The following GFRA2 variants were observed in gnomAD, a reference collection of about 807,000 sequenced individuals.
GFRA2 encodes the protein GDNF family receptor alpha-2.
GFRA2 carries 17 observed loss-of-function variants against 48.3 expected under a neutral mutation model. That is an observed-to-expected ratio of 0.35 (90% CI 0.24 to 0.53). GFRA2 has a LOEUF of 0.53. Ranked by LOEUF, GFRA2 falls within the 20% of genes least tolerant of loss-of-function variation. GFRA2 has a pLI of 0.93. For missense variants in GFRA2, 660 were observed against 637.3 expected (o/e 1.04, Z -0.38); for synonymous variants, 305 against 257.2 (o/e 1.19, Z -1.78).
Position 21,788,381 on chromosome 8 carries a change from C to A in GFRA2, c.-222G>T. ...GGCGATGGGCTGCTGCCTCTCGACGCCCCCCTTGCCCGCTACAATCAAATA... is the reference window on the plus strand; with the variant it reads ...GGCGATGGGCTGCTGCCTCTCGACGACCCCCTTGCCCGCTACAATCAAATA... On this transcript the variant is annotated 5_prime_UTR_variant, in exon 1 of 9. Transcript: ENST00000524240. The A allele has an allele frequency of 3.0e-6, 4 of 1,335,592 alleles. No individual in the cohort carries two copies. Among genetic ancestry groups the A allele is most frequent in the Non-Finnish European group, 3.8e-6 (4 of 1,048,204 alleles). The allele number at this position is 1,335,592 out of a possible 1,614,324, so 82.7% of individuals were successfully genotyped here.
chr8:21,767,496 G>A (rs1172680431), intron 3 of GFRA2, among the ~76,000 whole-genome samples: 4 of 152,336 alleles, frequency 2.6e-5, no homozygotes, highest in East Asian at 1.9e-4. Flanking sequence ...CCCAGGGCAC[G>A]TGCTCACAAC....
intron 3 of GFRA2, among the ~76,000 whole-genome samples, chr8:21,769,921 T>C (rs911389293): frequency 5.3e-5 from 8 of 152,146 alleles, no homozygotes; most frequent in African/African-American, 1.7e-4. Flanking sequence ...GAGAACATCA[T>C]TGGCCCTCTC....
At chr8:21,759,793 G>A (rs1805805711) in intron 3 of GFRA2, among the ~76,000 whole-genome samples, 2 of 150,548 alleles carry the variant, frequency 1.3e-5, no homozygotes, top group South Asian at 4.2e-4. Context: ...GGAGGCTGAA[G>A]CAGGAGAATC....
intron 4 of GFRA2, among the ~76,000 whole-genome samples, chr8:21,735,980 A>C (rs1000399117): frequency 6.6e-6 from 1 of 152,208 alleles, no homozygotes; most frequent in Admixed American, 6.5e-5. Flanking sequence ...AAGAAACTGA[A>C]ACTGCCCAGA....
chr8:21,775,249 A>T (rs1396804560), intron 2 of GFRA2, among the ~76,000 whole-genome samples, 194 bp from the exon 3 acceptor site: 2 of 152,212 alleles, frequency 1.3e-5, no homozygotes, highest in Non-Finnish European at 2.9e-5. Context: ...TTAGCATTTC[A>T]TCTGGGCAGG....
rs1801921329 is a variant in GFRA2, at chr8:21,692,456, G to A, written c.*822C>T. The stretch of plus-strand genomic sequence containing the variant: ...GTCTCTCCCCTCCCTCTCCCCAAAG[G>A]GAGGCCTGCCAAAGGACCCACGAGA... On this transcript the variant is annotated 3_prime_UTR_variant, in exon 9 of 9. Transcript: ENST00000524240. 6.6e-6 allele frequency: 1 copy of A among 151,902 alleles called. No homozygotes were observed. The highest frequency in any genetic ancestry group is 2.1e-4 in the South Asian group (1 of 4,806). 9.4% of individuals were successfully genotyped at this position (151,902 alleles called of 1,614,324 possible).
chr8:21,748,691 T>C (rs1048335504), intron 4 of GFRA2, among the ~76,000 whole-genome samples: 5 of 152,178 alleles, frequency 3.3e-5, no homozygotes, highest in African/African-American at 1.2e-4. Context: ...ATAAAGATAA[T>C]ATCACCTACC....
chr8:21,738,942 G>GA (rs2117538356), intron 4 of GFRA2, among the ~76,000 whole-genome samples: 1 of 152,316 alleles, frequency 6.6e-6, no homozygotes, highest in South Asian at 2.1e-4. Context: ...TCCTTATTTT[G>GA]ACAAGGAAAA....
At chr8:21,800,880 T>G (rs1321179162) in intron 2 of GFRA2, among the ~76,000 whole-genome samples, 1 of 147,150 alleles carries the variant, frequency 6.8e-6, no homozygotes, top group Non-Finnish European at 1.5e-5. Flanking sequence ...GAGCTATGAG[T>G]GCACCCCTGC....
intron 7 of GFRA2, among the ~76,000 whole-genome samples, chr8:21,698,081 T>C (rs1043633316): frequency 1.3e-5 from 2 of 152,058 alleles, no homozygotes; most frequent in African/African-American, 4.8e-5. Flanking sequence ...TCTAGGGAAA[T>C]AGCCTGGAGC....
At chr8:21,733,302 C>G (rs1804291200) in intron 4 of GFRA2, among the ~76,000 whole-genome samples, 1 of 152,174 alleles carries the variant, frequency 6.6e-6, no homozygotes, top group Non-Finnish European at 1.5e-5. Flanking sequence ...TGAAGATCAT[C>G]TGATGAGCAG....
chr8:21,694,372 T>G, intron 8 of GFRA2, 92 bp downstream of exon 8: 1 of 1,245,432 alleles, frequency 8.0e-7, no homozygotes, highest in Non-Finnish European at 1.1e-6. Context: ...TGCGATGAGA[T>G]TTGAGGGCGC....
intron 4 of GFRA2, among the ~76,000 whole-genome samples, chr8:21,739,412 A>C (rs552359655): frequency 3.2e-4 from 48 of 152,196 alleles, no homozygotes; most frequent in Non-Finnish European, 5.9e-4. Context: ...AAGATCACAG[A>C]GTTAGTTATC....
intron 2 of GFRA2, among the ~76,000 whole-genome samples, chr8:21,795,102 G>T (rs957993379): frequency 1.3e-5 from 2 of 152,198 alleles, no homozygotes; most frequent in Non-Finnish European, 2.9e-5. Flanking sequence ...CCCCAGGGTA[G>T]CCCATTAGAG....
Position 21,782,747 on chromosome 8 carries a change from C to T in GFRA2, c.193G>A (p.Ala65Thr). The T allele has an allele frequency of 1.3e-6, 2 of 1,596,352 alleles. No homozygotes were observed. The highest frequency in any genetic ancestry group is 1.1e-5 in the South Asian group (1 of 88,174). ...SRYRTLRQCL[A>T]GRDRNTMLAN... The stretch of plus-strand genomic sequence containing the variant: ...AGCATGGTGTTGCGGTCGCGGCCTG[C>T]CAGGCACTGCCGCAGAGTGCGGTAG... Residue 65 changes from alanine to threonine, a missense_variant, in exon 2 of 9, where the codon GCA becomes ACA. Ala to Thr is a moderately conservative substitution (Grantham distance 58, BLOSUM62 0). Coordinates refer to ENST00000524240, the MANE Select transcript of GFRA2 (RefSeq NM_001495.5).
chr8:21,765,256 C>T (rs1806099312), intron 3 of GFRA2, among the ~76,000 whole-genome samples: 1 of 151,980 alleles, frequency 6.6e-6, no homozygotes, highest in Non-Finnish European at 1.5e-5. Context: ...GGACCACCCG[C>T]ATGTGCCACC....
At chr8:21,738,782 G>T (rs780982216) in intron 4 of GFRA2, among the ~76,000 whole-genome samples, 11 of 152,118 alleles carry the variant, frequency 7.2e-5, no homozygotes, top group Non-Finnish European at 1.2e-4. Context: ...TGTGGGGGCC[G>T]GCCCCGCATG....
At chr8:21,785,691 C>T (rs1350304599) in intron 1 of GFRA2, among the ~76,000 whole-genome samples, 1 of 152,178 alleles carries the variant, frequency 6.6e-6, no homozygotes, top group Admixed American at 6.5e-5. Context: ...GCCCAACACC[C>T]CCACCCGAGT....
At position 21,702,888 on chromosome 8, in the gene GFRA2, CCACCCGAGGGGCCTGGGT is replaced by C; in HGVS notation, c.1117_1134del (p.Thr373_Val378del). 6.2e-7 allele frequency: 1 copy of C among 1,606,774 alleles called. No individual in the cohort carries two copies. Among genetic ancestry groups the C allele is most frequent in the Non-Finnish European group, 8.5e-7 (1 of 1,176,576 alleles). On this transcript the variant is annotated inframe_deletion, in exon 7 of 9. Coordinates refer to ENST00000524240, the MANE Select transcript of GFRA2 (RefSeq NM_001495.5). The stretch of plus-strand genomic sequence containing the variant: ...TCATCTGGCAAAGAAGGCGTCTTCT[CCACCCGAGGGGCCTGGGT>C]GGCCTGGAACGAGGGGCCTTTTGGG...
Sources: allele counts gnomAD v4.1 joint callset (sites outside exome capture counted in the v4.1 genomes callset), GRCh38; gene constraint gnomAD v4.1.1; transcripts MANE v1.5; gene names NCBI Gene and HGNC (gene_info 2026-07-23, HGNC 2026-07-21).